Variants in EYS observed in about 807,000 individuals in gnomAD.
EYS encodes the protein protein eyes shut homolog.
Under a neutral mutation model 282.1 loss-of-function variants are expected in EYS, and 250 were observed. The ratio of observed to expected loss-of-function variants is 0.89; its 90% CI spans 0.80 to 0.98. EYS has a LOEUF of 0.98. Ranked by LOEUF, EYS falls within the 50% of genes least tolerant of loss-of-function variation. The pLI is 0.00. For synonymous variants in EYS, 1,355 were observed against 1,282.9 expected, an observed-to-expected ratio of 1.06 and a Z score of -1.20; for missense variants, 4,016 against 3,709.0, an observed-to-expected ratio of 1.08 and a Z score of -2.15.
intron 31 of EYS, among the ~76,000 whole-genome samples, chr6:64,115,394 T>G (rs768259177): frequency 1.4e-4 from 21 of 152,096 alleles, no homozygotes; most frequent in Non-Finnish European, 5.9e-5. Flanking sequence ...CCATCACCAC[T>G]GTGAGCATGC....
intron 13 of EYS, among the ~76,000 whole-genome samples, chr6:65,048,720 A>G (rs1486693941): frequency 6.6e-6 from 1 of 151,846 alleles, no homozygotes; most frequent in African/African-American, 2.4e-5. Flanking sequence ...CTCTTCATTA[A>G]ATGTGCTTCT....
intron 15 of EYS, among the ~76,000 whole-genome samples, chr6:64,929,272 G>A (rs1011512332): frequency 6.6e-6 from 1 of 152,004 alleles, no homozygotes; most frequent in African/African-American, 2.4e-5. Context: ...AGATTGTCCC[G>A]GCAAAGTAAT....
chr6:65,701,910 A>T (rs779917854), intron 1 of EYS, among the ~76,000 whole-genome samples: 9 of 152,232 alleles, frequency 5.9e-5, no homozygotes, highest in Non-Finnish European at 1.3e-4. Context: ...TTCTTTTAAT[A>T]CTTGAACATA....
intron 4 of EYS, 93 bp downstream of exon 4, chr6:65,494,570 C>G (rs1049288597): frequency 7.4e-6 from 9 of 1,218,176 alleles, no homozygotes; most frequent in Non-Finnish European, 1.0e-5. Flanking sequence ...TGTGAGCCAC[C>G]GCATTTAAAA....
chr6:65,208,347 G>A (rs965699883), intron 12 of EYS, among the ~76,000 whole-genome samples: 12 of 151,836 alleles, frequency 7.9e-5, no homozygotes, highest in Admixed American at 7.9e-4. Context: ...CTTATAAACA[G>A]TTGAGGGAAA....
At chr6:65,291,449 A>G (rs1020661565) in intron 12 of EYS, among the ~76,000 whole-genome samples, 26 of 151,548 alleles carry the variant, frequency 1.7e-4, no homozygotes, top group African/African-American at 6.3e-4. Flanking sequence ...ACATGCAGTT[A>G]CATAAATACT....
chr6:64,971,860 G>T (rs796136252), intron 14 of EYS, among the ~76,000 whole-genome samples: 34 of 152,202 alleles, frequency 2.2e-4, no homozygotes, highest in African/African-American at 7.7e-4. Flanking sequence ...TGCCTTTGTT[G>T]TTACAGAAAA....
rs979833605 is a variant in EYS, at chr6:65,419,194, C to T, written c.863-13827G>A. Among the ~76,000 whole-genome samples the T allele has an allele frequency of 3.0e-4, 45 of 151,122 alleles. 1 individual carries two copies. Among genetic ancestry groups the T allele is most frequent in the Admixed American group, 2.5e-3 (38 of 15,110 alleles). On this transcript the variant is annotated intron_variant, in intron 5 of 42. Transcript: ENST00000503581. ...ACTTACGGATGTATAAACCCAAACA[C>T]GAGGCTTTAAAAAACAAATAAAGCA...
intron 22 of EYS, among the ~76,000 whole-genome samples, chr6:64,675,522 G>A (rs1282973140): frequency 1.4e-5 from 2 of 140,638 alleles, no homozygotes; most frequent in Non-Finnish European, 3.0e-5. Context: ...CCACCTCCTA[G>A]GTTCAAGCAA....
intron 12 of EYS, among the ~76,000 whole-genome samples, chr6:65,096,029 G>A (rs1361508578): frequency 6.6e-6 from 1 of 150,988 alleles, no homozygotes; most frequent in African/African-American, 2.4e-5. Flanking sequence ...AGATGACAGG[G>A]TCTCATATGT....
chr6:65,287,752 T>C (rs987006293), intron 12 of EYS, among the ~76,000 whole-genome samples: 39 of 151,356 alleles, frequency 2.6e-4, no homozygotes, highest in African/African-American at 8.7e-4. Context: ...AATTTTCTGC[T>C]TAATTTTTGT....
intron 37 of EYS, among the ~76,000 whole-genome samples, chr6:63,800,154 C>T (rs139942340): frequency 3.2e-4 from 49 of 152,252 alleles, no homozygotes; most frequent in Middle Eastern, 6.8e-3. Context: ...CTGACTTCCA[C>T]GTTTTCTATC....
chr6:64,188,671 C>G (rs1333119731), intron 31 of EYS, among the ~76,000 whole-genome samples: 1 of 152,090 alleles, frequency 6.6e-6, no homozygotes, highest in African/African-American at 2.4e-5. Flanking sequence ...ATCCTGCGAA[C>G]TCTTAAAGAA....
At chr6:64,156,384 C>CT (rs147159645) in intron 31 of EYS, among the ~76,000 whole-genome samples, 3,832 of 152,114 alleles carry the variant, frequency 0.025, 145 homozygotes, top group African/African-American at 0.087. Flanking sequence ...AATTAAACCT[C>CT]TTTTTTTCCC....
chr6:64,559,771 A>G (rs182314440), intron 26 of EYS, among the ~76,000 whole-genome samples: 1 of 152,152 alleles, frequency 6.6e-6, no homozygotes, highest in African/African-American at 2.4e-5. Context: ...AAAAATTTTC[A>G]TTCCATTCCA....
At chr6:63,913,932 G>T (rs1764348447) in intron 35 of EYS, among the ~76,000 whole-genome samples, 2 of 152,014 alleles carry the variant, frequency 1.3e-5, no homozygotes, top group Non-Finnish European at 2.9e-5. Flanking sequence ...GTCTCTTTGT[G>T]ACATTTTGGT....
chr6:63,738,306 T>G (rs532843743), intron 41 of EYS, among the ~76,000 whole-genome samples: 1 of 152,220 alleles, frequency 6.6e-6, no homozygotes, highest in East Asian at 1.9e-4. Context: ...ATTGTGACAC[T>G]ATTCACAATA....
intron 22 of EYS, among the ~76,000 whole-genome samples, chr6:64,695,291 A>G (rs904585271): frequency 2.0e-5 from 3 of 152,086 alleles, no homozygotes; most frequent in Non-Finnish European, 4.4e-5. Flanking sequence ...TGAAAGCACA[A>G]CCTTCTTGCC....
At chr6:64,353,322 C>A (rs1467327415) in intron 29 of EYS, among the ~76,000 whole-genome samples, 1 of 151,444 alleles carries the variant, frequency 6.6e-6, no homozygotes, top group Non-Finnish European at 1.5e-5. Flanking sequence ...TCATTTGAGT[C>A]CTGTAGCAAT....
Sources: gnomAD v4.1 joint callset for allele counts (sites outside exome capture counted in the v4.1 genomes callset) on GRCh38, gnomAD v4.1.1 for gene constraint, MANE v1.5 for transcripts, NCBI Gene and HGNC (gene_info 2026-07-23, HGNC 2026-07-21) for gene names.